The following PTPRG variants were observed in gnomAD, a reference collection of about 807,000 sequenced individuals.
PTPRG encodes receptor-type tyrosine-protein phosphatase gamma.
Under a neutral mutation model 165.3 loss-of-function variants are expected in PTPRG, and 102 were observed. That is an observed-to-expected ratio of 0.62 (90% CI 0.53 to 0.73). PTPRG has a LOEUF of 0.73. Among genes scored for constraint, PTPRG ranks in the 30% least tolerant of loss-of-function variants. The pLI, the probability that PTPRG is intolerant of heterozygous loss-of-function variation, is 0.00. For missense variants in PTPRG, 1,866 were observed against 1,861.4 expected (o/e 1.00, Z -0.05); for synonymous variants, 675 against 669.5 (o/e 1.01, Z -0.13).
Position 62,123,242 on chromosome 3 carries a change from A to C in PTPRG, c.616-9360A>C, listed in dbSNP as rs139326184. On this transcript the variant is annotated intron_variant, in intron 5 of 29. Coordinates refer to ENST00000474889, the MANE Select transcript of PTPRG (RefSeq NM_002841.4). ...AGCAGAACCCAGTTCCTCAAGGGCTATTTGACTGAGGAGCTTAGCTTCTCT... is the reference window on the plus strand; with the variant it reads ...AGCAGAACCCAGTTCCTCAAGGGCTCTTTGACTGAGGAGCTTAGCTTCTCT... 1.5e-3 allele frequency among the ~76,000 whole-genome samples: 233 copies of C among 152,268 alleles called. 3 individuals are homozygous for C. Among genetic ancestry groups the C allele is most frequent in the South Asian group, 0.013 (63 of 4,816 alleles).
intron 9 of PTPRG, among the ~76,000 whole-genome samples, chr3:62,192,995 T>A (rs1699876853): frequency 6.6e-6 from 1 of 152,232 alleles, no homozygotes; most frequent in South Asian, 2.1e-4. Flanking sequence ...ATATTTTCAA[T>A]TTCCCCACTA....
At chr3:62,055,655 C>G (rs1287073160) in intron 4 of PTPRG, among the ~76,000 whole-genome samples, 1 of 152,150 alleles carries the variant, frequency 6.6e-6, no homozygotes, top group Non-Finnish European at 1.5e-5. Flanking sequence ...AGGGTTGGTT[C>G]CTTCTGAGGG....
intron 1 of PTPRG, among the ~76,000 whole-genome samples, chr3:61,599,174 T>C (rs1307205637): frequency 6.6e-6 from 1 of 152,204 alleles, no homozygotes. Flanking sequence ...AATGATAGTC[T>C]TGCCCTGTCG....
At chr3:62,015,562 G>C (rs944592317) in intron 4 of PTPRG, among the ~76,000 whole-genome samples, 1 of 151,918 alleles carries the variant, frequency 6.6e-6, no homozygotes, top group South Asian at 2.1e-4. Flanking sequence ...GTCTGGCCTC[G>C]AACTCCTGGG....
intron 23 of PTPRG, among the ~76,000 whole-genome samples, chr3:62,275,015 A>T (rs1024932837): frequency 9.2e-5 from 14 of 152,146 alleles, no homozygotes; most frequent in Admixed American, 5.9e-4. Flanking sequence ...AAAAAACAAG[A>T]ATCAAACTTG....
intron 1 of PTPRG, among the ~76,000 whole-genome samples, chr3:61,688,292 A>G (rs1260237274): frequency 6.6e-6 from 1 of 152,220 alleles, no homozygotes; most frequent in Non-Finnish European, 1.5e-5. Context: ...CCTCAAGTCA[A>G]AAAAAGGCTG....
At chr3:61,591,294 C>G (rs957108893) in intron 1 of PTPRG, among the ~76,000 whole-genome samples, 7 of 152,102 alleles carry the variant, frequency 4.6e-5, no homozygotes, top group African/African-American at 1.7e-4. Flanking sequence ...TACTGGATAC[C>G]CGAGGGCAAG....
chr3:61,761,959 G>A (rs1184122562), intron 2 of PTPRG, among the ~76,000 whole-genome samples: 1 of 152,136 alleles, frequency 6.6e-6, no homozygotes, highest in Non-Finnish European at 1.5e-5. Flanking sequence ...AGCAGAGTGT[G>A]CATGCCATTA....
intron 3 of PTPRG, among the ~76,000 whole-genome samples, chr3:61,993,462 G>C (rs189972829): frequency 6.6e-6 from 1 of 151,948 alleles, no homozygotes; most frequent in East Asian, 1.9e-4. Context: ...CAGGTGATCC[G>C]CCCACTTCTG....
intron 14 of PTPRG, among the ~76,000 whole-genome samples, chr3:62,235,353 A>G (rs936686187): frequency 2.6e-5 from 4 of 152,144 alleles, no homozygotes; most frequent in Admixed American, 2.6e-4. Flanking sequence ...CCTGACTTCA[A>G]GCCTTCTTTT....
intron 2 of PTPRG, among the ~76,000 whole-genome samples, chr3:61,756,434 G>C (rs781349434): frequency 2.6e-5 from 4 of 152,218 alleles, no homozygotes; most frequent in Non-Finnish European, 4.4e-5. Context: ...AGAACTTTAT[G>C]TACAAAGGAG....
intron 2 of PTPRG, among the ~76,000 whole-genome samples, chr3:61,887,170 A>ATATATATATATATATAT (rs60282456): frequency 8.7e-6 from 1 of 115,524 alleles, no homozygotes; most frequent in Non-Finnish European, 1.8e-5. Flanking sequence ...ATATATATAT[A>ATATATATATATATATAT]TTTTTAATGC....
At position 61,572,999 on chromosome 3, in the gene PTPRG, G is replaced by A. The variant is rs564563502; in HGVS notation, c.85+10627G>A. 3.3e-5 allele frequency among the ~76,000 whole-genome samples: 5 copies of A among 152,360 alleles called. No individual in the cohort carries two copies. In the South Asian group the frequency reaches 8.3e-4, roughly 25 times the overall value. ...AGTGCACACAGGTGCATTGCTGGCTGATGACATGACTTCTTTCCTGTCAAT... is the reference window on the plus strand; with the variant it reads ...AGTGCACACAGGTGCATTGCTGGCTAATGACATGACTTCTTTCCTGTCAAT... On this transcript the variant is annotated intron_variant, in intron 1 of 29. Transcript: ENST00000474889.
chr3:61,955,402 T>A (rs1158876560), intron 2 of PTPRG, among the ~76,000 whole-genome samples: 1 of 152,232 alleles, frequency 6.6e-6, no homozygotes, highest in African/African-American at 2.4e-5. Context: ...TTAAATAGTT[T>A]TTAATTTTAA....
Position 62,145,510 on chromosome 3 carries a change from G to A in PTPRG, c.683-11557G>A, listed in dbSNP as rs565401710. ...GAATGCATGTTGCTCAACTTAATTC[G>A]TCCATACAAAAATAAAATGAAATGA... On this transcript the variant is annotated intron_variant, in intron 6 of 29. Transcript: ENST00000474889. 7.9e-5 allele frequency among the ~76,000 whole-genome samples: 12 copies of A among 152,168 alleles called. No homozygotes were observed. The South Asian group carries it at 1.0e-3, about 13-fold the overall frequency.
chr3:61,753,286 A>G (rs2033514772), intron 2 of PTPRG, among the ~76,000 whole-genome samples: 1 of 152,214 alleles, frequency 6.6e-6, no homozygotes, highest in Non-Finnish European at 1.5e-5. Flanking sequence ...CCTTGTACCA[A>G]CATAGTAGGC....
In PTPRG at chr3:62,213,709, C is replaced by T. The variant is rs1269149017; in HGVS notation, c.2156-5142C>T. Among the ~76,000 whole-genome samples the T allele has an allele frequency of 6.6e-6, 1 of 152,154 alleles. No homozygotes were observed. Among genetic ancestry groups the T allele is most frequent in the Non-Finnish European group, 1.5e-5 (1 of 68,034 alleles). On this transcript the variant is annotated intron_variant, in intron 12 of 29. Coordinates refer to ENST00000474889, the MANE Select transcript of PTPRG (RefSeq NM_002841.4). The surrounding 1 kb of genome is among the most constrained non-coding windows in gnomAD (Gnocchi z 4.4). ...TGTACCGAAAGGCCTACAGCATGTT[C>T]TGGTCTCTGGAGGCCTAGGCATGGG...
At chr3:61,932,852 C>T (rs560342704) in intron 2 of PTPRG, among the ~76,000 whole-genome samples, 1 of 152,316 alleles carries the variant, frequency 6.6e-6, no homozygotes, top group African/African-American at 2.4e-5. Flanking sequence ...TCGTGTTCTC[C>T]TTGTCTCAGT....
chr3:61,925,170 G>A (rs1247068941), intron 2 of PTPRG, among the ~76,000 whole-genome samples: 1 of 152,200 alleles, frequency 6.6e-6, no homozygotes, highest in Non-Finnish European at 1.5e-5. Context: ...AATGGACATG[G>A]CTTCTTTCAG....
Sources: gnomAD v4.1 joint callset for allele counts (sites outside exome capture counted in the v4.1 genomes callset) on GRCh38, gnomAD v4.1.1 for gene constraint, Gnocchi (gnomAD v3.1) non-coding constraint, MANE v1.5 for transcripts, NCBI Gene and HGNC (gene_info 2026-07-23, HGNC 2026-07-21) for gene names.